COL11A1: variants seen among roughly 807,000 people sequenced by gnomAD.
The protein encoded by COL11A1 is collagen alpha-1(XI) chain.
COL11A1 carries 74 observed loss-of-function variants against 265.2 expected under a neutral mutation model. That is an observed-to-expected ratio of 0.28 (90% CI 0.23 to 0.34). The LOEUF (loss-of-function observed/expected upper bound fraction) is 0.34. Among genes scored for constraint, COL11A1 ranks in the 10% least tolerant of loss-of-function variants. COL11A1 has a pLI of 1.00. For missense variants in COL11A1, 2,165 were observed against 2,263.6 expected (o/e 0.96, Z 0.88); for synonymous variants, 816 against 727.6 (o/e 1.12, Z -1.96).
chr1:102,916,347 T>C (rs113529225), intron 49 of COL11A1, among the ~76,000 whole-genome samples: 3 of 152,244 alleles, frequency 2.0e-5, no homozygotes, highest in African/African-American at 7.2e-5. Context: ...AGGGTTTAGC[T>C]ATGAAAGTCT....
At chr1:103,010,979 T>G (rs1281898895) in intron 14 of COL11A1, among the ~76,000 whole-genome samples, 1 of 152,018 alleles carries the variant, frequency 6.6e-6, no homozygotes, top group East Asian at 1.9e-4. Context: ...GGATTACAGG[T>G]GCGAGCCACC....
chr1:102,977,528 T>G (rs1030625406), intron 35 of COL11A1, among the ~76,000 whole-genome samples: 2 of 152,164 alleles, frequency 1.3e-5, no homozygotes, highest in African/African-American at 2.4e-5. Flanking sequence ...GAAATATTAT[T>G]GATCATAACA....
chr1:103,104,149 C>T (rs115750689), intron 1 of COL11A1, among the ~76,000 whole-genome samples: 1 of 151,900 alleles, frequency 6.6e-6, no homozygotes, highest in African/African-American at 2.4e-5. Context: ...CTTTTTTTAA[C>T]CTTTTAAAAA....
At chr1:102,906,699 C>T (rs1654024126) in intron 54 of COL11A1, among the ~76,000 whole-genome samples, 1 of 151,794 alleles carries the variant, frequency 6.6e-6, no homozygotes, top group Non-Finnish European at 1.5e-5. Context: ...TGCACTTGAC[C>T]TGTGTTTCCA....
intron 31 of COL11A1, among the ~76,000 whole-genome samples, chr1:102,981,826 T>C (rs914072952): frequency 1.4e-4 from 21 of 152,018 alleles, no homozygotes; most frequent in African/African-American, 5.1e-4. Context: ...TAGAAACAGC[T>C]ATCATTTTAT....
In COL11A1 at chr1:103,018,670, G is replaced by C. The variant is rs947474851; in HGVS notation, c.1350+148C>G. The C allele has an allele frequency of 1.1e-5, 7 of 640,892 alleles. No homozygotes were observed. In the African/African-American group the frequency reaches 1.1e-4, roughly 10 times the overall value. The allele number at this position is 640,892 out of a possible 1,614,324, so 39.7% of individuals were successfully genotyped here. Reference sequence around the variant, plus strand: ...ACTTGGATAGACAAATCAGAAGGCAGTTCAAAGGCACCAGCTCCTCTGAAC... The same window carrying C: ...ACTTGGATAGACAAATCAGAAGGCACTTCAAAGGCACCAGCTCCTCTGAAC... On this transcript the variant is annotated intron_variant, in intron 10 of 66. Transcript: ENST00000370096.
chr1:103,062,643 T>A (rs920821267), intron 4 of COL11A1, among the ~76,000 whole-genome samples: 2 of 152,014 alleles, frequency 1.3e-5, no homozygotes, highest in African/African-American at 4.8e-5. Flanking sequence ...TTAAAACATG[T>A]TCTGAAAACT....
At chr1:103,050,072 T>C (rs1669671360) in intron 4 of COL11A1, among the ~76,000 whole-genome samples, 3 of 152,214 alleles carry the variant, frequency 2.0e-5, no homozygotes, top group South Asian at 2.1e-4. Flanking sequence ...CTGACAATTA[T>C]GTTTCTTGGA....
chr1:103,029,456 T>A (rs992284965), intron 5 of COL11A1, among the ~76,000 whole-genome samples: 5 of 152,038 alleles, frequency 3.3e-5, no homozygotes, highest in Non-Finnish European at 5.9e-5. Context: ...TACTTACTAA[T>A]TCAATTAAGT....
In COL11A1 at chr1:103,017,813, C is replaced by G; in HGVS notation, c.1413+7G>C. 2 of 1,610,552 alleles carry G rather than the reference C, an allele frequency of 1.2e-6. No individual in the cohort carries two copies. Among genetic ancestry groups the G allele is most frequent in the Non-Finnish European group, 1.7e-6 (2 of 1,176,914 alleles). On this transcript the variant is annotated splice_region_variant and intron_variant, in intron 11 of 66. Transcript: ENST00000370096. ...TTTGTAATGAGATATCATGTCCATT[C>G]ACTTACCCTATCGCCAGGGTCACCA...
chr1:103,107,056 A>C (rs969359760), intron 1 of COL11A1, among the ~76,000 whole-genome samples: 1 of 152,034 alleles, frequency 6.6e-6, no homozygotes, highest in Non-Finnish European at 1.5e-5. Flanking sequence ...TTCGCCTGCC[A>C]GTCGATTCTA....
chr1:103,039,365 G>A (rs1420450687), intron 4 of COL11A1, among the ~76,000 whole-genome samples: 6 of 152,060 alleles, frequency 3.9e-5, no homozygotes, highest in Admixed American at 6.6e-5. Context: ...GTGTCCCCTC[G>A]AATTTGTATG....
chr1:103,007,337 G>A (rs937248890), intron 15 of COL11A1, among the ~76,000 whole-genome samples: 3 of 152,060 alleles, frequency 2.0e-5, no homozygotes, highest in East Asian at 1.9e-4. Flanking sequence ...CGTGGGGATC[G>A]ATATACATAT....
chr1:103,041,088 A>G (rs546429063), intron 4 of COL11A1, among the ~76,000 whole-genome samples: 1 of 152,076 alleles, frequency 6.6e-6, no homozygotes, highest in East Asian at 1.9e-4. Flanking sequence ...TATAATTAAT[A>G]TCATTGTGAA....
At chr1:103,001,903 C>T (rs745625081) in intron 24 of COL11A1, 22 bp downstream of exon 24, 9 of 1,610,512 alleles carry the variant, frequency 5.6e-6, no homozygotes, top group Middle Eastern at 1.6e-4. Context: ...CCAGGCTTTA[C>T]GAGAACAACA....
At chr1:102,905,515 TA>T (rs35687179) in intron 54 of COL11A1, among the ~76,000 whole-genome samples, 26,643 of 139,968 alleles carry the variant, frequency 0.19, 2,498 homozygotes, top group South Asian at 0.23. Flanking sequence ...CCATATAAGT[TA>T]AAAAAAAAAA....
intron 30 of COL11A1, 24 bp from the exon 31 acceptor site, chr1:102,984,215 C>CA: frequency 6.9e-7 from 1 of 1,445,144 alleles, no homozygotes; most frequent in South Asian, 1.2e-5. Flanking sequence ...ATATAATAAT[C>CA]AAAGTAATAT....
Position 102,898,157 on chromosome 1 carries a change from C to T in COL11A1, c.4270G>A (p.Ala1424Thr), listed in dbSNP as rs371230505. The change falls in exon 57 of 67, where the codon GCT becomes ACT. Residue 1424 changes from alanine (A) to threonine (T), a missense_variant. By Grantham distance (58) the Ala-to-Thr change is moderately conservative. Coordinates refer to ENST00000370096, the MANE Select transcript of COL11A1 (RefSeq NM_001854.4). ...CCAGGTGGTCCATCTTGGCCTGCAG[C>T]TCCAGGGAGACCTTGTTCTCCCTAG... is the stretch of plus-strand genomic sequence containing the variant. ...GPVGEQGLPG[A>T]AGQDGPPGPM... 6.7e-7 allele frequency: 1 copy of T among 1,489,214 alleles called. No homozygotes were observed. 92.3% of individuals were successfully genotyped at this position (1,489,214 alleles called of 1,614,324 possible). A position where few individuals can be genotyped will look rare whatever the true frequency, so the allele number is the denominator to read the frequency against.
Position 102,879,712 on chromosome 1 carries a change from A to C in COL11A1, c.5245T>G (p.Phe1749Val). The change falls in exon 66 of 67, where the codon TTT becomes GTT. Residue 1749 changes from phenylalanine (F) to valine (V), a missense_variant. Physicochemically the swap from Phe to Val is conservative, Grantham distance 50. Transcript: ENST00000370096. ...CAACCATCATACAGTGTTTTGATAA[A>C]AGGATTATTGTCATAGGACATCTCC... ...DEEMSYDNNP[F>V]IKTLYDGCAS... The C allele has an allele frequency of 6.2e-7, 1 of 1,613,874 alleles. No individual in the cohort carries two copies. The highest frequency in any genetic ancestry group is 1.1e-5 in the South Asian group (1 of 91,078).
Sources: allele counts gnomAD v4.1 joint callset (sites outside exome capture counted in the v4.1 genomes callset), GRCh38; gene constraint gnomAD v4.1.1; transcripts MANE v1.5; gene names NCBI Gene and HGNC (gene_info 2026-07-23, HGNC 2026-07-21).